Variants in TMPRSS7 observed in about 807,000 individuals in gnomAD.
The protein encoded by TMPRSS7 is transmembrane serine protease 7.
Under a neutral mutation model 95.6 loss-of-function variants are expected in TMPRSS7, and 81 were observed. The ratio of observed to expected loss-of-function variants is 0.85; its 90% confidence interval spans 0.71 to 1.02. The LOEUF (loss-of-function observed/expected upper bound fraction) is 1.02. Among genes scored for constraint, TMPRSS7 ranks in the 50% least tolerant of loss-of-function variants. The pLI, the probability that TMPRSS7 is intolerant of heterozygous loss-of-function variation, is 0.00. For synonymous variants in TMPRSS7, 364 were observed against 337.8 expected (o/e 1.08, Z -0.85); for missense variants, 945 against 955.2 (o/e 0.99, Z 0.14).
exon 8 of TMPRSS7, chr3:112,049,855 C>A: frequency 5.9e-6 from 9 of 1,517,378 alleles, no homozygotes; most frequent in African/African-American, 1.4e-5. Context: ...ATTTGTGAAC[C>A]CACAAGAACA....
In TMPRSS7 at chr3:112,044,238, C is replaced by T. The variant is rs4682350; in HGVS notation, c.430-17C>T. 0.94 allele frequency: 1,442,158 copies of T among 1,528,504 alleles called. 683,666 individuals are homozygous for T. Among genetic ancestry groups the T allele is most frequent in the East Asian group, 1 (40,777 of 40,786 alleles). The allele number at this position is 1,528,504 out of a possible 1,614,324, so 94.7% of individuals were successfully genotyped here. On this transcript the variant is annotated splice_polypyrimidine_tract_variant and intron_variant, in intron 3 of 17. Coordinates refer to ENST00000452346, the Ensembl canonical transcript of TMPRSS7. Reference sequence around the variant, plus strand: ...CAAGTATGAAATACTTCAGATACCTCAACTATTCTTTTTCAGATAAACCTG... The same window carrying T: ...CAAGTATGAAATACTTCAGATACCTTAACTATTCTTTTTCAGATAAACCTG...
intron 10 of TMPRSS7, among the ~76,000 whole-genome samples, chr3:112,060,240 A>C (rs1294904338): frequency 6.6e-6 from 1 of 152,228 alleles, no homozygotes; most frequent in African/African-American, 2.4e-5. Context: ...ACAGGACCAC[A>C]GGACCGGGGC....
intron 1 of TMPRSS7, among the ~76,000 whole-genome samples, chr3:112,037,804 T>A (rs894482724): frequency 6.6e-6 from 1 of 152,174 alleles, no homozygotes; most frequent in Admixed American, 6.6e-5. Context: ...AGAACCTACA[T>A]TGAAATATCG....
intron 9 of TMPRSS7, among the ~76,000 whole-genome samples, chr3:112,054,535 A>G (rs1000297756): frequency 1.3e-5 from 2 of 151,980 alleles, no homozygotes; most frequent in African/African-American, 4.8e-5. Context: ...GTGCAAGGGG[A>G]CTCATTTCTT....
chr3:112,069,426 T>C (rs1254894131), intron 13 of TMPRSS7, among the ~76,000 whole-genome samples: 1 of 152,250 alleles, frequency 6.6e-6, no homozygotes, highest in Non-Finnish European at 1.5e-5. Context: ...GTGCCTCTGA[T>C]AGAATTTGGC....
chr3:112,049,725 A>C, intron 7 of TMPRSS7, 119 bp from the exon 8 acceptor site: 1 of 818,462 alleles, frequency 1.2e-6, no homozygotes, highest in Non-Finnish European at 1.8e-6. Flanking sequence ...GAGATTCCCA[A>C]GAACTGAGTG....
intron 1 of TMPRSS7, among the ~76,000 whole-genome samples, chr3:112,037,287 AG>A (rs958152227): frequency 1.3e-5 from 2 of 152,226 alleles, no homozygotes; most frequent in African/African-American, 4.8e-5. Context: ...AAGCATTCCC[AG>A]GAAGAGACCT....
At chr3:112,051,567 G>C (rs376529541) in intron 9 of TMPRSS7, among the ~76,000 whole-genome samples, 8 of 119,906 alleles carry the variant, frequency 6.7e-5, no homozygotes, top group African/African-American at 2.2e-4. Context: ...ATCTATCTAT[G>C]TATCTATCTA....
intron 2 of TMPRSS7, 45 bp from the exon 3 acceptor site, chr3:112,041,875 C>T (rs1364510073): frequency 7.7e-7 from 1 of 1,306,718 alleles, no homozygotes; most frequent in East Asian, 2.5e-5. Flanking sequence ...CTTACTGCCA[C>T]ACAGATGGGA....
chr3:112,052,089 G>A (rs146714841), intron 9 of TMPRSS7, among the ~76,000 whole-genome samples: 7 of 151,962 alleles, frequency 4.6e-5, no homozygotes, highest in African/African-American at 1.4e-4. Flanking sequence ...TTAAATACGC[G>A]TAATATGTCT....
At chr3:112,062,363 A>T (rs1165949172) in intron 11 of TMPRSS7, among the ~76,000 whole-genome samples, 2 of 152,182 alleles carry the variant, frequency 1.3e-5, no homozygotes, top group Non-Finnish European at 2.9e-5. Flanking sequence ...AGGGAGTTCA[A>T]ATATCAGCCC....
At chr3:112,069,095 C>T (rs760445659) in intron 13 of TMPRSS7, among the ~76,000 whole-genome samples, 2 of 152,132 alleles carry the variant, frequency 1.3e-5, no homozygotes, top group Non-Finnish European at 2.9e-5. Context: ...TGGTTTTTGT[C>T]ATTGGTTCTG....
chr3:112,050,414 A>G (rs1228184441), intron 8 of TMPRSS7, among the ~76,000 whole-genome samples: 1 of 151,466 alleles, frequency 6.6e-6, no homozygotes, highest in Non-Finnish European at 1.5e-5. Context: ...TAAAGAGAGT[A>G]ATAGCATCTT....
At chr3:112,067,558 A>G (rs1165830177) in intron 13 of TMPRSS7, among the ~76,000 whole-genome samples, 1 of 152,004 alleles carries the variant, frequency 6.6e-6, no homozygotes, top group Non-Finnish European at 1.5e-5. Context: ...TGTGGTTTTG[A>G]TTTTCATTTC....
chr3:112,035,563 G>A (rs1008929361), intron 1 of TMPRSS7, among the ~76,000 whole-genome samples: 1 of 152,186 alleles, frequency 6.6e-6, no homozygotes, highest in African/African-American at 2.4e-5. Flanking sequence ...GAGAGGAAAA[G>A]AGAAGGAGAG....
At chr3:112,049,900 T>C (rs749454683) in exon 8 of TMPRSS7, 17 of 1,561,418 alleles carry the variant, frequency 1.1e-5, no homozygotes, top group Non-Finnish European at 1.3e-5. Context: ...AATCTCATGT[T>C]GGTGACATTT....
intron 9 of TMPRSS7, among the ~76,000 whole-genome samples, chr3:112,054,780 G>A (rs1215953654): frequency 1.9e-5 from 2 of 103,674 alleles, no homozygotes; most frequent in Admixed American, 3.2e-4. Flanking sequence ...TCGTTCTGTC[G>A]CCCACGCTGG....
chr3:112,038,185 C>A, exon 2 of TMPRSS7: 1 of 702,762 alleles, frequency 1.4e-6, no homozygotes, highest in South Asian at 1.5e-5. Flanking sequence ...CACAAAGACC[C>A]ATTGGCAAAG....
At chr3:112,072,055 T>A (rs2073654941) in intron 13 of TMPRSS7, among the ~76,000 whole-genome samples, 1 of 152,260 alleles carries the variant, frequency 6.6e-6, no homozygotes. Flanking sequence ...TCAGCTTTTC[T>A]GCTCTGGTTT....
Sources: gnomAD v4.1 joint callset for allele counts (sites outside exome capture counted in the v4.1 genomes callset) on GRCh38, gnomAD v4.1.1 for gene constraint, MANE v1.5 for transcripts, NCBI Gene and HGNC (gene_info 2026-07-23, HGNC 2026-07-21) for gene names.